Variants in RNF150 observed in about 807,000 individuals in gnomAD.
The protein encoded by RNF150 is ring finger protein 150.
Under a neutral mutation model 39.3 loss-of-function variants are expected in RNF150, and 24 were observed. The observed-to-expected ratio is 0.61, with a 90% CI of 0.44 to 0.86. RNF150 has a LOEUF of 0.86. RNF150 is among the 40% of genes least tolerant of loss of function. The pLI is 0.00. For missense variants in RNF150, 502 were observed against 587.8 expected, an observed-to-expected ratio of 0.85 and a Z score of 1.51; for synonymous variants, 255 against 227.3, an observed-to-expected ratio of 1.12 and a Z score of -1.10.
intron 1 of RNF150, among the ~76,000 whole-genome samples, chr4:141,016,667 G>T (rs1156725960): frequency 6.6e-6 from 1 of 152,124 alleles, no homozygotes; most frequent in Non-Finnish European, 1.5e-5. Flanking sequence ...AAATCATCTG[G>T]ACATTTCTCA....
In RNF150 at chr4:140,947,665, G is replaced by C. The variant is rs774320755; in HGVS notation, c.879C>G (p.Ile293Met). Residue 293 changes from isoleucine (I) to methionine (M), a missense_variant, in exon 4 of 7, where the codon ATC (isoleucine) becomes ATG (methionine). Physicochemically the swap from Ile to Met is conservative, Grantham distance 10. Transcript: ENST00000515673. Reference sequence around the variant, plus strand: ...GCCTAGTGACTCACCGGCAGGGCAGGATCCGGACAACGTCATTGGGCTTGT... The same window carrying C: ...GCCTAGTGACTCACCGGCAGGGCAGCATCCGGACAACGTCATTGGGCTTGT... Reference protein sequence around the residue: ...EGYKPNDVVRILPCRHLFHKS... With the variant: ...EGYKPNDVVRMLPCRHLFHKS... The C allele has an allele frequency of 1.1e-5, 17 of 1,610,636 alleles. No homozygotes were observed. The South Asian group carries it at 1.7e-4, about 16-fold the overall frequency.
Position 141,132,652 on chromosome 4 carries a change from G to C in RNF150, c.157C>G (p.Pro53Ala), listed in dbSNP as rs1324013969. The part of the protein sequence containing the change: ...FVNITYAEPA[P>A]DPGAGAAGGG... Reference sequence around the variant, plus strand: ...CCCGCCGCCCCGGCCCCGGGGTCCGGCGCGGGCTCGGCGTAGGTGATGTTC... The same window carrying C: ...CCCGCCGCCCCGGCCCCGGGGTCCGCCGCGGGCTCGGCGTAGGTGATGTTC... The change falls in exon 1 of 7, where the codon CCG becomes GCG. Residue 53 changes from proline (P) to alanine (A), a missense_variant. By Grantham distance (27) the Pro-to-Ala change is conservative. Coordinates refer to ENST00000515673, the MANE Select transcript of RNF150 (RefSeq NM_020724.2). This position sits in a 1 kb window ranked among gnomAD's most constrained non-coding sequence, Gnocchi z 4.9. 1 of 1,602,032 alleles carries C rather than the reference G, an allele frequency of 6.2e-7. No homozygotes were observed.
rs576737152 is a variant in RNF150 at position 140,872,405 on chromosome 4, C to G, written c.1199-4026G>C. ...TCCATTTGACATAGTAGGATCATATCTGTCTTCTTTTGGTTGTTACATATT... is the reference window on the plus strand; with the variant it reads ...TCCATTTGACATAGTAGGATCATATGTGTCTTCTTTTGGTTGTTACATATT... On this transcript the variant is annotated intron_variant, in intron 6 of 6. Coordinates refer to ENST00000515673, the MANE Select transcript of RNF150 (RefSeq NM_020724.2). Among the ~76,000 whole-genome samples the G allele has an allele frequency of 2.0e-5, 3 of 152,294 alleles. No homozygotes were observed. In the East Asian group the frequency reaches 5.8e-4, roughly 29 times the overall value.
At chr4:141,112,894 C>CCCATATT (rs1322990589) in intron 1 of RNF150, among the ~76,000 whole-genome samples, 5 of 151,826 alleles carry the variant, frequency 3.3e-5, no homozygotes, top group Non-Finnish European at 7.3e-5. Context: ...TTCATACAGT[C>CCCATATT]CCATATTTCT....
chr4:141,035,383 A>G (rs1291257212), intron 1 of RNF150, among the ~76,000 whole-genome samples: 2 of 152,210 alleles, frequency 1.3e-5, no homozygotes, highest in African/African-American at 2.4e-5. Context: ...TCAGGCATGC[A>G]GTGTCCTCAT....
chr4:141,050,848 C>T (rs13116646), intron 1 of RNF150, among the ~76,000 whole-genome samples: 117,644 of 152,066 alleles, frequency 0.77, 45,921 homozygotes, highest in Non-Finnish European at 0.84. Context: ...AGAATAGCAA[C>T]AGCCCTCTTC....
chr4:140,879,615 G>C (rs1729298627), intron 6 of RNF150, among the ~76,000 whole-genome samples: 1 of 152,076 alleles, frequency 6.6e-6, no homozygotes, highest in Non-Finnish European at 1.5e-5. Context: ...TTGAGTCCAG[G>C]AGTTCAAGAC....
intron 1 of RNF150, among the ~76,000 whole-genome samples, chr4:141,117,637 T>C (rs1032664737): frequency 1.3e-5 from 2 of 152,210 alleles, no homozygotes; most frequent in Admixed American, 6.5e-5. Context: ...TCAGAATATG[T>C]CCACATCATT....
chr4:141,013,948 C>A (rs1578632140), intron 1 of RNF150, among the ~76,000 whole-genome samples: 1 of 152,154 alleles, frequency 6.6e-6, no homozygotes, highest in East Asian at 1.9e-4. Flanking sequence ...CTAACTAAAC[C>A]TTTGTACCCT....
At chr4:141,091,694 G>A (rs564666299) in intron 1 of RNF150, among the ~76,000 whole-genome samples, 1 of 152,244 alleles carries the variant, frequency 6.6e-6, no homozygotes, top group Non-Finnish European at 1.5e-5. Flanking sequence ...ATGACCTAAG[G>A]TCCTTTCCAA....
intron 5 of RNF150, among the ~76,000 whole-genome samples, chr4:140,922,872 G>A (rs1731217168): frequency 6.6e-6 from 1 of 150,814 alleles, no homozygotes; most frequent in Non-Finnish European, 1.5e-5. Context: ...AATGGGGAAA[G>A]GATTCCCTAT....
chr4:141,210,221 A>C (rs767881055), intron 1 of RNF150, among the ~76,000 whole-genome samples: 2 of 152,052 alleles, frequency 1.3e-5, no homozygotes, highest in Non-Finnish European at 2.9e-5. Flanking sequence ...ATCTGTGGAC[A>C]CTCTGGAGGC....
At chr4:141,159,000 A>T (rs1385278070) in intron 1 of RNF150, among the ~76,000 whole-genome samples, 1 of 152,212 alleles carries the variant, frequency 6.6e-6, no homozygotes, top group Admixed American at 6.5e-5. Context: ...GAATCGTTTC[A>T]TAAAAGAAAG....
At chr4:140,936,352 T>G (rs1458857859) in intron 4 of RNF150, among the ~76,000 whole-genome samples, 2 of 152,230 alleles carry the variant, frequency 1.3e-5, no homozygotes, top group African/African-American at 4.8e-5. Context: ...TAGTGGAAAC[T>G]GCCAAACAAA....
chr4:141,159,486 T>G (rs1727474741), intron 1 of RNF150, among the ~76,000 whole-genome samples: 1 of 152,172 alleles, frequency 6.6e-6, no homozygotes, highest in Non-Finnish European at 1.5e-5. Flanking sequence ...ATTTGGGCTG[T>G]GGGCTAGAGT....
intron 1 of RNF150, among the ~76,000 whole-genome samples, chr4:141,103,121 C>T (rs976780901): frequency 6.6e-6 from 1 of 152,136 alleles, no homozygotes; most frequent in African/African-American, 2.4e-5. Flanking sequence ...TCATATTGCT[C>T]TAGATATTGT....
chr4:141,189,988 C>G (rs971004071), intron 1 of RNF150, among the ~76,000 whole-genome samples: 1 of 152,098 alleles, frequency 6.6e-6, no homozygotes, highest in African/African-American at 2.4e-5. Flanking sequence ...GCCCAAACAG[C>G]TGCCTGGTTT....
At chr4:141,102,491 C>T (rs943903784) in intron 1 of RNF150, among the ~76,000 whole-genome samples, 6 of 152,280 alleles carry the variant, frequency 3.9e-5, no homozygotes, top group Admixed American at 1.3e-4. Flanking sequence ...TACAGGTTTG[C>T]TGTTCTCATA....
At position 141,096,742 on chromosome 4, in the gene RNF150, A is replaced by C. The variant is rs560639295; in HGVS notation, c.484+35583T>G. Among the ~76,000 whole-genome samples the C allele has an allele frequency of 3.2e-4, 48 of 152,348 alleles. 1 individual carries two copies. In the South Asian group the frequency reaches 9.7e-3, roughly 31 times the overall value. ...TCCCTCTTTTATTTTTACTCTGAAC[A>C]AGGTAACACAGTGATTTACAAAACC... On this transcript the variant is annotated intron_variant, in intron 1 of 6. Coordinates refer to ENST00000515673, the MANE Select transcript of RNF150 (RefSeq NM_020724.2).
Sources: gnomAD v4.1 joint callset for allele counts (sites outside exome capture counted in the v4.1 genomes callset) on GRCh38, gnomAD v4.1.1 for gene constraint, Gnocchi (gnomAD v3.1) non-coding constraint, MANE v1.5 for transcripts, NCBI Gene and HGNC (gene_info 2026-07-23, HGNC 2026-07-21) for gene names.